The following HIVEP2 variants were observed in gnomAD, a reference collection of about 807,000 sequenced individuals.
The protein encoded by HIVEP2 is transcription factor HIVEP2.
In HIVEP2, 14 loss-of-function variants were observed where a neutral mutation model predicts 180.7. The ratio of observed to expected loss-of-function variants is 0.08; its 90% CI spans 0.05 to 0.12. The LOEUF is 0.12. HIVEP2 is among the 10% of genes least tolerant of loss of function. The pLI, the probability that HIVEP2 is intolerant of heterozygous loss-of-function variation, is 1.00. For missense variants in HIVEP2, 2,579 were observed against 3,008.5 expected (o/e 0.86, Z 3.34); for synonymous variants, 1,184 against 1,136.4 (o/e 1.04, Z -0.84).
chr6:142,856,712 G>A (rs1235567364), intron 1 of HIVEP2, among the ~76,000 whole-genome samples: 1 of 152,236 alleles, frequency 6.6e-6, no homozygotes, highest in Non-Finnish European at 1.5e-5. Flanking sequence ...AATGCAATCA[G>A]CAATGAAATC....
intron 1 of HIVEP2, among the ~76,000 whole-genome samples, chr6:142,889,004 G>A (rs1384794390): frequency 5.9e-5 from 9 of 152,092 alleles, no homozygotes; most frequent in Admixed American, 2.0e-4. Flanking sequence ...TTGTATCAGA[G>A]ATTACACTAT....
chr6:142,810,281 G>A (rs58305211), intron 2 of HIVEP2, among the ~76,000 whole-genome samples: 4,436 of 152,072 alleles, frequency 0.029, 216 homozygotes, highest in African/African-American at 0.099. Context: ...ATGACTATAC[G>A]TATATATTGT....
intron 1 of HIVEP2, among the ~76,000 whole-genome samples, chr6:142,865,123 C>G (rs746628088): frequency 6.6e-6 from 1 of 152,100 alleles, no homozygotes; most frequent in African/African-American, 2.4e-5. Flanking sequence ...GAAAATAAGT[C>G]TCTTGATAGC....
intron 1 of HIVEP2, among the ~76,000 whole-genome samples, chr6:142,844,103 G>A (rs549507163): frequency 1.3e-5 from 2 of 152,064 alleles, no homozygotes; most frequent in South Asian, 4.2e-4. Flanking sequence ...CACACTGGCT[G>A]ACAATGGGAA....
At chr6:142,834,548 A>G (rs931040541) in intron 2 of HIVEP2, among the ~76,000 whole-genome samples, 2 of 152,174 alleles carry the variant, frequency 1.3e-5, no homozygotes, top group African/African-American at 4.8e-5. Context: ...CCATGTGTTT[A>G]AAAGCCCAGA....
At chr6:142,944,297 C>A (rs577371170) in intron 1 of HIVEP2, among the ~76,000 whole-genome samples, 1 of 151,514 alleles carries the variant, frequency 6.6e-6, no homozygotes, top group South Asian at 2.1e-4. Context: ...ACGCGGGAGG[C>A]ACATGCGTAT....
rs776747621 is a variant in HIVEP2 at position 142,753,467 on chromosome 6, C to T, written c.6981G>A (p.Gln2327=). The T allele has an allele frequency of 3.7e-6, 6 of 1,614,018 alleles. No homozygotes were observed. The highest frequency in any genetic ancestry group is 2.2e-5 in the South Asian group (2 of 91,086). The change falls in exon 10 of 10, where the codon CAG becomes CAA. Residue 2327 remains glutamine, a synonymous_variant. Transcript: ENST00000367603. ...ATEREQEENI[Q]TCTKAIASLR... is the part of the protein sequence containing the mutation. The stretch of plus-strand genomic sequence containing the variant: ...GAGAGGCAATGGCTTTTGTACAAGT[C>T]TGTATATTTTCCTCCTGTTCCCGCT...
At chr6:142,764,610 T>G (rs536035912) in intron 7 of HIVEP2, among the ~76,000 whole-genome samples, 189 bp downstream of exon 7, 93 of 152,344 alleles carry the variant, frequency 6.1e-4, no homozygotes, top group African/African-American at 2.2e-3. Context: ...AATTAAGTCA[T>G]AAAAGGAGCC....
At position 142,751,943 on chromosome 6, in the gene HIVEP2, T is replaced by C. The variant is rs974705787; in HGVS notation, c.*1164A>G. 2 of 152,740 alleles carry C rather than the reference T, an allele frequency of 1.3e-5. No individual in the cohort carries two copies. The highest frequency in any genetic ancestry group is 4.8e-5 in the African/African-American group (2 of 41,452). The allele number at this position is 152,740 out of a possible 1,614,324, so 9.5% of individuals were successfully genotyped here. A position where few individuals can be genotyped will look rare whatever the true frequency, so the allele number is the denominator to read the frequency against. On this transcript the variant is annotated 3_prime_UTR_variant, in exon 10 of 10. Transcript: ENST00000367603. ...CCACACCCAACCCTCAGAGTCCAAGTGCGACCCTCTGTGTAGCCTTAGTTC... is the reference window on the plus strand; with the variant it reads ...CCACACCCAACCCTCAGAGTCCAAGCGCGACCCTCTGTGTAGCCTTAGTTC...
In HIVEP2 at chr6:142,753,308, G is replaced by C. The variant is rs1389573270; in HGVS notation, c.7140C>G (p.Pro2380=). 1.2e-6 allele frequency: 2 copies of C among 1,614,198 alleles called. No individual in the cohort carries two copies. Among genetic ancestry groups the C allele is most frequent in the South Asian group, 2.2e-5 (2 of 91,084 alleles). ...AGTCAGGGTGGGTGGCTGAGGTACA[G>C]GGCTGACCTGGCTCAGGTCTACTAA... ...RHFSRPEPGQ[P]CTSATHPDLH... The change falls in exon 10 of 10, where the codon CCC becomes CCG. Residue 2380 remains proline, a synonymous_variant. Transcript: ENST00000367603.
chr6:142,783,675 C>T (rs975124938), intron 2 of HIVEP2, 60 bp from the exon 3 acceptor site: 6 of 151,420 alleles, frequency 4.0e-5, no homozygotes, highest in East Asian at 1.9e-4. Context: ...TTAATAAGCA[C>T]GCTCATTCTT....
At chr6:142,863,003 T>A (rs1439338913) in intron 1 of HIVEP2, among the ~76,000 whole-genome samples, 1 of 141,960 alleles carries the variant, frequency 7.0e-6, no homozygotes, top group Non-Finnish European at 1.5e-5. Flanking sequence ...TATAATTACA[T>A]ATATTATATA....
At chr6:142,776,432 C>G (rs13217908) in intron 3 of HIVEP2, among the ~76,000 whole-genome samples, 34,829 of 152,106 alleles carry the variant, frequency 0.23, 4,709 homozygotes, top group East Asian at 0.35. Flanking sequence ...GTAATATTTT[C>G]TAAGACATAA....
rs763911764 is a variant in HIVEP2, at chr6:142,770,104, G to A, written c.4635C>T (p.Ser1545=). ...EPFLPSKEML[S]GSRAPLPGQK... ...GCCCCGGAAGTGGTGCCCGGGAACC[G>A]GAAAGCATCTCCTTGCTGGGCAGGA... The change falls in exon 5 of 10, where the codon TCC becomes TCT. Residue 1545 remains serine, a synonymous_variant. Coordinates refer to ENST00000367603, the MANE Select transcript of HIVEP2 (RefSeq NM_006734.4). This position sits in a 1 kb window ranked among gnomAD's most constrained non-coding sequence, Gnocchi z 4.7. The A allele has an allele frequency of 3.0e-5, 49 of 1,614,086 alleles. No individual in the cohort carries two copies. The highest frequency in any genetic ancestry group is 2.4e-4 in the South Asian group (22 of 91,080).
At chr6:142,814,242 G>C (rs1452349427) in intron 2 of HIVEP2, among the ~76,000 whole-genome samples, 1 of 152,108 alleles carries the variant, frequency 6.6e-6, no homozygotes, top group African/African-American at 2.4e-5. Flanking sequence ...ATGCACCAAA[G>C]CATAAAGAAA....
intron 3 of HIVEP2, among the ~76,000 whole-genome samples, chr6:142,783,069 G>A (rs1353948741): frequency 6.6e-6 from 1 of 151,854 alleles, no homozygotes; most frequent in African/African-American, 2.4e-5. Context: ...TGGTGGGCTG[G>A]GTGCAGTGGC....
chr6:142,824,056 T>C (rs1301909002), intron 2 of HIVEP2, among the ~76,000 whole-genome samples: 2 of 152,202 alleles, frequency 1.3e-5, no homozygotes, highest in African/African-American at 4.8e-5. Flanking sequence ...GATGAAAATA[T>C]ACTAATATTT....
chr6:142,939,614 C>T (rs1390421886), intron 1 of HIVEP2, among the ~76,000 whole-genome samples: 1 of 152,146 alleles, frequency 6.6e-6, no homozygotes, highest in Non-Finnish European at 1.5e-5. Flanking sequence ...AAAGAATCAC[C>T]TCCTCTCATA....
At chr6:142,829,509 G>A (rs2114857014) in intron 2 of HIVEP2, among the ~76,000 whole-genome samples, 1 of 152,206 alleles carries the variant, frequency 6.6e-6, no homozygotes. Flanking sequence ...ATACATCTCT[G>A]AGGACCCTAG....
Sources: allele counts gnomAD v4.1 joint callset (sites outside exome capture counted in the v4.1 genomes callset), GRCh38; gene constraint gnomAD v4.1.1; non-coding constraint Gnocchi (gnomAD v3.1); transcripts MANE v1.5; gene names NCBI Gene and HGNC (gene_info 2026-07-23, HGNC 2026-07-21).